Variants in GOLGA5 observed in about 807,000 individuals in gnomAD.
GOLGA5 encodes the protein golgin subfamily A member 5.
GOLGA5 carries 50 observed loss-of-function variants against 93.5 expected under a neutral mutation model. The ratio of observed to expected loss-of-function variants is 0.53; its 90% CI spans 0.43 to 0.68. GOLGA5 has a LOEUF of 0.68. Ranked by LOEUF, GOLGA5 falls within the 30% of genes least tolerant of loss-of-function variation. GOLGA5 has a pLI of 0.00. For missense variants in GOLGA5, 760 were observed against 856.4 expected, an observed-to-expected ratio of 0.89 and a Z score of 1.40; for synonymous variants, 312 against 304.5, an observed-to-expected ratio of 1.02 and a Z score of -0.26.
chr14:92,794,833 C>T (rs1210123724), intron 1 of GOLGA5, among the ~76,000 whole-genome samples: 2 of 152,156 alleles, frequency 1.3e-5, no homozygotes, highest in South Asian at 2.1e-4. Flanking sequence ...TCTGTGCTGA[C>T]GCCTGGCCTT....
rs980344577 is a variant in GOLGA5, at chr14:92,807,592, C to G, written c.772+629C>G. 2.0e-5 allele frequency among the ~76,000 whole-genome samples: 3 copies of G among 152,250 alleles called. No homozygotes were observed. The East Asian group carries it at 5.8e-4, about 29-fold the overall frequency. ...TTCTGAACTTTCAAGGGAAGCTGTT[C>G]CATTAAACAAAGTAGTAGGCACTAA... On this transcript the variant is annotated intron_variant, in intron 3 of 12. Transcript: ENST00000163416.
At chr14:92,815,952 G>T (rs565467114) in intron 6 of GOLGA5, among the ~76,000 whole-genome samples, 34 of 151,786 alleles carry the variant, frequency 2.2e-4, no homozygotes, top group Admixed American at 2.0e-3. Flanking sequence ...TGATCCGCCC[G>T]CCTCAGCCTC....
At chr14:92,816,486 G>A (rs1885207779) in intron 7 of GOLGA5, 65 bp downstream of exon 7, 10 of 1,352,446 alleles carry the variant, frequency 7.4e-6, no homozygotes, top group Middle Eastern at 2.1e-4. Context: ...AGTTTGAGAG[G>A]TGGGGAAACA....
At chr14:92,803,416 A>T (rs951035419) in intron 2 of GOLGA5, among the ~76,000 whole-genome samples, 1 of 152,200 alleles carries the variant, frequency 6.6e-6, no homozygotes, top group African/African-American at 2.4e-5. Flanking sequence ...TTATCAAATG[A>T]ATTGGAAAGT....
intron 8 of GOLGA5, among the ~76,000 whole-genome samples, chr14:92,820,856 T>TA (rs1448553748): frequency 6.6e-6 from 1 of 152,210 alleles, no homozygotes; most frequent in Admixed American, 6.5e-5. Flanking sequence ...GGGGCAAAGT[T>TA]ACAGATTAAC....
chr14:92,836,240 C>G (rs960452147), intron 11 of GOLGA5, among the ~76,000 whole-genome samples: 1 of 151,256 alleles, frequency 6.6e-6, no homozygotes, highest in Non-Finnish European at 1.5e-5. Context: ...GTCTAAATAA[C>G]CTACTGTACC....
chr14:92,801,621 G>A (rs1455393300), intron 2 of GOLGA5, among the ~76,000 whole-genome samples: 1 of 151,898 alleles, frequency 6.6e-6, no homozygotes, highest in Non-Finnish European at 1.5e-5. Context: ...TAATGTAGAT[G>A]GCATGTGGCT....
chr14:92,834,695 A>G (rs947205572), intron 10 of GOLGA5, among the ~76,000 whole-genome samples: 5 of 152,130 alleles, frequency 3.3e-5, no homozygotes, highest in Admixed American at 2.0e-4. Context: ...CTGTATGGGG[A>G]CTTTTACTCT....
Position 92,811,638 on chromosome 14 carries a change from G to A in GOLGA5, c.1204G>A (p.Asp402Asn). ...TACACTGGCCGAAAGAAAATACTCAGATGAGAAGAAGAGGGTTGATGAACT... is the reference window on the plus strand; with the variant it reads ...TACACTGGCCGAAAGAAAATACTCAAATGAGAAGAAGAGGGTTGATGAACT... Reference protein sequence around the residue: ...AITLAERKYSDEKKRVDELQQ... With the variant: ...AITLAERKYSNEKKRVDELQQ... Residue 402 changes from aspartate (D) to asparagine (N), a missense_variant, in exon 6 of 13, where the codon GAT becomes AAT. By Grantham distance (23) the Asp-to-Asn change is conservative (BLOSUM62 1). Coordinates refer to ENST00000163416, the MANE Select transcript of GOLGA5 (RefSeq NM_005113.4). 6.2e-7 allele frequency: 1 copy of A among 1,612,542 alleles called. No individual in the cohort carries two copies. Among genetic ancestry groups the A allele is most frequent in the Non-Finnish European group, 8.5e-7 (1 of 1,178,776 alleles).
At chr14:92,838,629 G>A (rs893882139) in intron 12 of GOLGA5, among the ~76,000 whole-genome samples, 2 of 152,096 alleles carry the variant, frequency 1.3e-5, no homozygotes, top group Non-Finnish European at 2.9e-5. Context: ...GCCTCCCAAA[G>A]TGCTGGGATT....
rs748009930 is a variant in GOLGA5 at position 92,797,894 on chromosome 14, T to C, written c.457T>C (p.Ser153Pro). The change falls in exon 2 of 13, where the codon TCT (serine) becomes CCT (proline). Residue 153 changes from serine (S) to proline (P), a missense_variant. Transcript: ENST00000163416. The stretch of plus-strand genomic sequence containing the variant: ...AGGCAAGACACCTGTCTTTCAGAGC[T>C]CTCAGACATCAAGTGTCAGTTCTGT... ...EKGKTPVFQSSQTSSVSSVNP... is the reference protein window; with the variant it reads ...EKGKTPVFQSPQTSSVSSVNP... 6.2e-7 allele frequency: 1 copy of C among 1,613,052 alleles called. No individual in the cohort carries two copies. Among genetic ancestry groups the C allele is most frequent in the East Asian group, 2.2e-5 (1 of 44,882 alleles).
chr14:92,836,718 AG>A (rs1310687010), intron 11 of GOLGA5, among the ~76,000 whole-genome samples: 4 of 152,158 alleles, frequency 2.6e-5, no homozygotes, highest in African/African-American at 9.7e-5. Flanking sequence ...TTTTTTCCCC[AG>A]TCACATAGTT....
Position 92,824,370 on chromosome 14 carries a change from T to C in GOLGA5, c.1621-176T>C, listed in dbSNP as rs534103787. On this transcript the variant is annotated intron_variant, in intron 8 of 12. Coordinates refer to ENST00000163416, the MANE Select transcript of GOLGA5 (RefSeq NM_005113.4). ...AGCTTTTCATCAGACCCATCTGTTA[T>C]TCACTTAATTATATACTCATTATAT... Among the ~76,000 whole-genome samples, 30 of 152,346 alleles carry C rather than the reference T, an allele frequency of 2.0e-4. 1 individual carries two copies. In the Middle Eastern group the frequency reaches 0.02, roughly 104 times the overall value.
At chr14:92,836,065 A>C (rs891225847) in intron 11 of GOLGA5, among the ~76,000 whole-genome samples, 1 of 152,084 alleles carries the variant, frequency 6.6e-6, no homozygotes, top group African/African-American at 2.4e-5. Flanking sequence ...TGCTATTAGA[A>C]TAAAAGATGC....
Position 92,806,815 on chromosome 14 carries a change from C to G in GOLGA5, c.624C>G (p.Cys208Trp). 1.2e-6 allele frequency: 2 copies of G among 1,613,554 alleles called. No homozygotes were observed. The highest frequency in any genetic ancestry group is 1.6e-4 in the Middle Eastern group (1 of 6,062). ...SKENVSSNAA[C>W]PDHTPTPNDD... The stretch of plus-strand genomic sequence containing the variant: ...AAAATGTGTCATCAAATGCTGCCTG[C>G]CCTGACCACACCCCAACACCTAATG... Residue 208 changes from cysteine (C) to tryptophan (W), a missense_variant, in exon 3 of 13, where the codon TGC becomes TGG. Coordinates refer to ENST00000163416, the MANE Select transcript of GOLGA5 (RefSeq NM_005113.4).
At chr14:92,810,193 T>C in intron 4 of GOLGA5, 61 bp from the exon 5 acceptor site, 1 of 1,228,592 alleles carries the variant, frequency 8.1e-7, no homozygotes, top group Non-Finnish European at 1.1e-6. Context: ...TAAAAATTAT[T>C]CTGCCTTATC....
In GOLGA5 at chr14:92,811,768, G is replaced by A. The variant is rs1308643887; in HGVS notation, c.1320+14G>A. 4 of 1,565,780 alleles carry A rather than the reference G, an allele frequency of 2.6e-6. No homozygotes were observed. Among genetic ancestry groups the A allele is most frequent in the Admixed American group, 1.7e-5 (1 of 59,942 alleles). On this transcript the variant is annotated intron_variant, in intron 6 of 12. Transcript: ENST00000163416. The stretch of plus-strand genomic sequence containing the variant: ...AGAATACTGCAAGTAAGCATGAAAT[G>A]TACACTTTTGGATGTTAAGATGTGC...
chr14:92,819,826 G>T lies in GOLGA5; in HGVS notation c.1610G>T (p.Arg537Leu), dbSNP rs774284212. Residue 537 changes from arginine to leucine, a missense_variant, in exon 8 of 13, where the codon CGA becomes CTA. By Grantham distance (102) the Arg-to-Leu change is moderately radical. Coordinates refer to ENST00000163416, the MANE Select transcript of GOLGA5 (RefSeq NM_005113.4). Reference sequence around the variant, plus strand: ...CAAGAACTAGAGACAGAACTGGAGCGACTGAAGCAGGTCAGGATTTGAGAT... The same window carrying T: ...CAAGAACTAGAGACAGAACTGGAGCTACTGAAGCAGGTCAGGATTTGAGAT... ...SKQELETELE[R>L]LKQEFHYIEE... is the part of the protein sequence containing the mutation. The T allele has an allele frequency of 2.5e-6, 4 of 1,613,822 alleles. No homozygotes were observed. In the South Asian group the frequency reaches 3.3e-5, roughly 13 times the overall value.
chr14:92,833,415 T>G (rs887212819), intron 10 of GOLGA5, 68 bp downstream of exon 10: 1 of 1,122,328 alleles, frequency 8.9e-7, no homozygotes. Context: ...ATAGAAGGAC[T>G]ATTTTTATTT....
Sources: allele counts gnomAD v4.1 joint callset (sites outside exome capture counted in the v4.1 genomes callset), GRCh38; gene constraint gnomAD v4.1.1; transcripts MANE v1.5; gene names NCBI Gene and HGNC (gene_info 2026-07-23, HGNC 2026-07-21).